The following LGSN variants were observed in gnomAD, a reference collection of about 807,000 sequenced individuals.
The protein encoded by LGSN is lengsin.
LGSN carries 21 observed loss-of-function variants against 19.5 expected under a neutral mutation model. That is an observed-to-expected ratio of 1.07 (90% CI 0.76 to 1.55). The LOEUF (loss-of-function observed/expected upper bound fraction) is 1.55, where lower values mean the gene tolerates loss of function less well. Among genes scored for constraint, LGSN ranks in the 40% most tolerant of loss-of-function variants. The pLI, the probability that LGSN is intolerant of heterozygous loss-of-function variation, is 0.00. For missense variants in LGSN, 673 were observed against 608.5 expected (o/e 1.11, Z -1.12); for synonymous variants, 257 against 215.6 (o/e 1.19, Z -1.68).
the LGSN span, among the ~76,000 whole-genome samples, chr6:63,393,006 C>A: frequency 6.6e-6 from 1 of 151,154 alleles, no homozygotes; most frequent in East Asian, 1.9e-4. Context: ...CCTACCTCAG[C>A]CTCCCGAGTA....
the LGSN span, among the ~76,000 whole-genome samples, chr6:63,356,837 A>AT: frequency 4.6e-5 from 7 of 150,688 alleles, no homozygotes; most frequent in East Asian, 9.8e-4. Flanking sequence ...ACAACCCCCA[A>AT]TTTTTTTTTA....
chr6:63,357,179 T>G, the LGSN span, among the ~76,000 whole-genome samples: 1 of 152,168 alleles, frequency 6.6e-6, no homozygotes, highest in African/African-American at 2.4e-5. Context: ...TTTTTATGGC[T>G]GCATAGTATT....
At chr6:63,541,340 G>A in the LGSN span, among the ~76,000 whole-genome samples, 1 of 152,016 alleles carries the variant, frequency 6.6e-6, no homozygotes, top group East Asian at 1.9e-4. Flanking sequence ...GGATCATGAG[G>A]TCAGGAGTTC....
chr6:63,509,065 A>C, the LGSN span, among the ~76,000 whole-genome samples: 1 of 151,574 alleles, frequency 6.6e-6, no homozygotes, highest in African/African-American at 2.4e-5. Context: ...ATAAAGGAAA[A>C]AAATTTTCTT....
At chr6:63,339,694 G>A in the LGSN span, among the ~76,000 whole-genome samples, 1 of 152,060 alleles carries the variant, frequency 6.6e-6, no homozygotes, top group Non-Finnish European at 1.5e-5. Flanking sequence ...TTATCAATAG[G>A]TGAGGACTTG....
chr6:63,454,793 C>CTTTTTTTTTTTTTTTTTT, the LGSN span, among the ~76,000 whole-genome samples: 68 of 91,712 alleles, frequency 7.4e-4, no homozygotes, highest in Non-Finnish European at 1.1e-3. Context: ...TTTTCTTTTT[C>CTTTTTTTTTTTTTTTTTT]TTTTTTTTTT....
the LGSN span, among the ~76,000 whole-genome samples, chr6:63,336,565 A>G: frequency 2.7e-4 from 40 of 147,606 alleles, no homozygotes; most frequent in Middle Eastern, 3.5e-3. Context: ...GTGTGTGTAT[A>G]TATATATATA....
chr6:63,475,332 A>T, the LGSN span, among the ~76,000 whole-genome samples: 2 of 151,720 alleles, frequency 1.3e-5, no homozygotes, highest in South Asian at 4.2e-4. Flanking sequence ...AAAAAAAAAA[A>T]AAGACACCCA....
At chr6:63,562,125 T>G in the LGSN span, among the ~76,000 whole-genome samples, 1 of 152,162 alleles carries the variant, frequency 6.6e-6, no homozygotes, top group South Asian at 2.1e-4. Context: ...TATTTCTTTC[T>G]ATTTTTATAG....
intron 3 of LGSN, among the ~76,000 whole-genome samples, chr6:63,282,457 G>A (rs908300391): frequency 7.9e-5 from 12 of 152,132 alleles, no homozygotes; most frequent in African/African-American, 2.9e-4. Context: ...TTGGTGTCTG[G>A]TGAGGGCTGC....
chr6:63,401,159 T>G, the LGSN span, among the ~76,000 whole-genome samples: 1 of 151,984 alleles, frequency 6.6e-6, no homozygotes, highest in African/African-American at 2.4e-5. Context: ...TTATTAAGAC[T>G]TAGTTACAAA....
intron 1 of LGSN, among the ~76,000 whole-genome samples, chr6:63,314,799 A>G (rs1363829194): frequency 6.6e-6 from 1 of 152,166 alleles, no homozygotes; most frequent in Admixed American, 6.5e-5. Context: ...AAACTGAGAA[A>G]GAGCCGACTC....
chr6:63,336,178 C>T, the LGSN span, among the ~76,000 whole-genome samples: 175 of 152,104 alleles, frequency 1.2e-3, 2 homozygotes, highest in South Asian at 7.7e-3. Context: ...GACTATACAA[C>T]GCATTTTTTA....
chr6:63,331,593 A>G, the LGSN span, among the ~76,000 whole-genome samples: 2 of 151,658 alleles, frequency 1.3e-5, no homozygotes, highest in Non-Finnish European at 2.9e-5. Flanking sequence ...CGGTCCCTGG[A>G]CCCTGCTGAT....
chr6:63,386,993 C>T, the LGSN span, among the ~76,000 whole-genome samples: 1 of 151,906 alleles, frequency 6.6e-6, no homozygotes, highest in Admixed American at 6.6e-5. Flanking sequence ...CCCAGCAACT[C>T]AGGAGGCTGA....
At chr6:63,518,678 C>G in the LGSN span, among the ~76,000 whole-genome samples, 1 of 152,186 alleles carries the variant, frequency 6.6e-6, no homozygotes, top group Non-Finnish European at 1.5e-5. Flanking sequence ...TTCTTTCTAG[C>G]AAGCCATTCA....
chr6:63,335,209 T>C, the LGSN span, among the ~76,000 whole-genome samples: 7 of 150,734 alleles, frequency 4.6e-5, no homozygotes, highest in Non-Finnish European at 1.5e-5. Flanking sequence ...CTGGGAAAAC[T>C]GGATGACTGT....
intron 1 of LGSN, among the ~76,000 whole-genome samples, chr6:63,307,964 T>C (rs933218451): frequency 2.0e-5 from 3 of 152,196 alleles, no homozygotes; most frequent in African/African-American, 7.2e-5. Context: ...GACTCTACAG[T>C]AATGCTGTTA....
At chr6:63,525,032 A>C in the LGSN span, among the ~76,000 whole-genome samples, 2 of 152,222 alleles carry the variant, frequency 1.3e-5, no homozygotes, top group East Asian at 3.8e-4. Flanking sequence ...AACTTGATTC[A>C]GGGATTTAGC....
Sources: allele counts gnomAD v4.1 joint callset (sites outside exome capture counted in the v4.1 genomes callset), GRCh38; gene constraint gnomAD v4.1.1; transcripts MANE v1.5; gene names NCBI Gene and HGNC (gene_info 2026-07-23, HGNC 2026-07-21).